The following CTBP2 variants were observed in gnomAD, a reference collection of about 807,000 sequenced individuals.
CTBP2 encodes the protein C-terminal binding protein 2.
A neutral mutation model predicts 80.3 loss-of-function variants in CTBP2; 30 were observed. That is an observed-to-expected ratio of 0.37 (90% CI 0.28 to 0.51). CTBP2 has a LOEUF of 0.51. Ranked by LOEUF, CTBP2 falls within the 20% of genes least tolerant of loss-of-function variation. CTBP2 has a pLI of 0.93. For missense variants in CTBP2, 1,212 were observed against 1,375.3 expected (o/e 0.88, Z 1.88); for synonymous variants, 594 against 587.4 (o/e 1.01, Z -0.16).
At position 125,005,646 on chromosome 10, in the gene CTBP2, A is replaced by C. The variant is rs1955142962; in HGVS notation, c.1679-2154T>G. 9.3e-6 allele frequency: 15 copies of C among 1,612,930 alleles called. No homozygotes were observed. The East Asian group carries it at 3.3e-4, about 36-fold the overall frequency. ...TCCGCAACAGCACCGTCACCTGACG[A>C]GGAACCCGACACACATGGCTCCCAC... On this transcript the variant is annotated intron_variant, in intron 1 of 8. Coordinates refer to ENST00000309035, the MANE Select transcript of CTBP2 (RefSeq NM_022802.3).
chr10:125,003,317 G>T (rs1167805133), intron 2 of CTBP2, 21 bp downstream of exon 4: 1 of 1,604,360 alleles, frequency 6.2e-7, no homozygotes, highest in African/African-American at 1.3e-5. Context: ...TGCAGGCCCC[G>T]GCCGGGCAGG....
At chr10:125,032,595 G>A (rs1958365417), upstream of CTBP2, among the ~76,000 whole-genome samples, 1 of 152,244 alleles carries the variant, frequency 6.6e-6, no homozygotes, top group African/African-American at 2.4e-5. Flanking sequence ...TGTAGAGACA[G>A]GCCAAGGCAT....
intron 2 of CTBP2, among the ~76,000 whole-genome samples, chr10:125,084,999 G>C (rs763777322): frequency 1.3e-5 from 2 of 152,148 alleles, no homozygotes; most frequent in Non-Finnish European, 2.9e-5. Flanking sequence ...CCTCTCCTTA[G>C]CAACAGCTCA....
At chr10:125,129,986 A>G (rs1345337738) in intron 1 of CTBP2, among the ~76,000 whole-genome samples, 1 of 152,038 alleles carries the variant, frequency 6.6e-6, no homozygotes, top group African/African-American at 2.4e-5. Context: ...TGCTGGCTGT[A>G]CAGGGCTTGG....
chr10:125,011,025 T>C lies in CTBP2; in HGVS notation c.1679-7533A>G, dbSNP rs1228121409. ...AAAAGGGTTTATGGCAAAGGTTTCA[T>C]GTGAATTATCCCTCAAGTTCCCCCT... is the stretch of plus-strand genomic sequence containing the variant. On this transcript the variant is annotated intron_variant, in intron 1 of 8. Coordinates refer to ENST00000309035, the MANE Select transcript of CTBP2 (RefSeq NM_022802.3). Among the ~76,000 whole-genome samples the C allele has an allele frequency of 6.2e-4, 94 of 152,224 alleles. 1 individual carries two copies. Among genetic ancestry groups the C allele is most frequent in the Non-Finnish European group, 5.9e-5 (4 of 68,040 alleles).
chr10:125,130,630 T>G (rs1160142539), intron 1 of CTBP2, among the ~76,000 whole-genome samples: 1 of 152,226 alleles, frequency 6.6e-6, no homozygotes, highest in Non-Finnish European at 1.5e-5. Flanking sequence ...AGAAAATACA[T>G]GCAACTTCCC....
In CTBP2 at chr10:124,984,926, C is replaced by G; in HGVS notation, c.*4592G>C. 6.2e-7 allele frequency: 1 copy of G among 1,613,846 alleles called. No individual in the cohort carries two copies. The highest frequency in any genetic ancestry group is 8.5e-7 in the Non-Finnish European group (1 of 1,179,986). On this transcript the variant is annotated 3_prime_UTR_variant, in exon 9 of 9. Transcript: ENST00000309035. ...TGGTAGAAAAATGGCTTGACCGCTACCGACAGATCCGGCCGTGTACATCCC... is the reference window on the plus strand; with the variant it reads ...TGGTAGAAAAATGGCTTGACCGCTAGCGACAGATCCGGCCGTGTACATCCC...
At chr10:125,061,062 C>A (rs150965011) in intron 2 of CTBP2, among the ~76,000 whole-genome samples, 1 of 152,210 alleles carries the variant, frequency 6.6e-6, no homozygotes, top group Non-Finnish European at 1.5e-5. Context: ...AGGATTCCTG[C>A]GGTGGCAAAC....
intron 2 of CTBP2, among the ~76,000 whole-genome samples, chr10:125,095,010 G>T (rs1849341477): frequency 3.3e-5 from 5 of 152,130 alleles, no homozygotes; most frequent in Admixed American, 1.3e-4. Flanking sequence ...GGCAGGGCTG[G>T]GTGGCGCTGT....
At chr10:125,120,456 G>A (rs1303404418) in intron 1 of CTBP2, among the ~76,000 whole-genome samples, 5 of 151,976 alleles carry the variant, frequency 3.3e-5, no homozygotes, top group Non-Finnish European at 5.9e-5. Flanking sequence ...GTGCAATCTC[G>A]GCTTACTGCA....
chr10:125,069,771 A>G (rs964018365), intron 2 of CTBP2, among the ~76,000 whole-genome samples: 5 of 151,944 alleles, frequency 3.3e-5, no homozygotes, highest in Non-Finnish European at 7.4e-5. Flanking sequence ...TCTCCCCTTT[A>G]ATGGAGGTTC....
chr10:125,098,666 G>C (rs1590758679), intron 2 of CTBP2, among the ~76,000 whole-genome samples: 1 of 71,300 alleles, frequency 1.4e-5, no homozygotes, highest in African/African-American at 6.2e-5. Flanking sequence ...GGGAGAGAGA[G>C]AGAGAGAGAG....
At chr10:125,134,809 C>A (rs1298885987) in intron 1 of CTBP2, among the ~76,000 whole-genome samples, 1 of 141,874 alleles carries the variant, frequency 7.0e-6, no homozygotes, top group African/African-American at 2.5e-5. Flanking sequence ...CAGCCTTTCC[C>A]TCCCAGCCTG....
At chr10:125,109,409 C>A (rs527374454) in intron 2 of CTBP2, among the ~76,000 whole-genome samples, 1 of 152,344 alleles carries the variant, frequency 6.6e-6, no homozygotes, top group South Asian at 2.1e-4. Context: ...CTTTGCCAAC[C>A]CCAGGCCCAA....
At chr10:125,111,754 C>A (rs1327864660) in intron 1 of CTBP2, among the ~76,000 whole-genome samples, 2 of 152,214 alleles carry the variant, frequency 1.3e-5, no homozygotes, top group Non-Finnish European at 2.9e-5. Context: ...CATGGTGGGA[C>A]CCACATCATC....
intron 1 of CTBP2, among the ~76,000 whole-genome samples, chr10:125,024,457 A>G (rs72830849): frequency 0.086 from 13,046 of 152,300 alleles, 760 homozygotes; most frequent in Admixed American, 0.17. Flanking sequence ...AACTTATATA[A>G]TACCCCTCAC....
intron 1 of CTBP2, among the ~76,000 whole-genome samples, chr10:125,008,246 C>T (rs151105262): frequency 7.1e-4 from 108 of 152,238 alleles, no homozygotes; most frequent in Non-Finnish European, 7.9e-4. Context: ...CGTGCCTGGC[C>T]GGCTCTGGCC....
At chr10:125,004,108 C>T (rs896968531) in intron 1 of CTBP2, among the ~76,000 whole-genome samples, 11 of 152,200 alleles carry the variant, frequency 7.2e-5, no homozygotes, top group Non-Finnish European at 1.5e-4. Flanking sequence ...GACAGATTTC[C>T]TGGTGCTGCC....
At chr10:125,059,223 T>C (rs948068234) in intron 2 of CTBP2, among the ~76,000 whole-genome samples, 6 of 152,096 alleles carry the variant, frequency 3.9e-5, no homozygotes, top group Admixed American at 1.3e-4. Flanking sequence ...TGTTGGCTTA[T>C]AGAGGAGAAA....
Sources: allele counts gnomAD v4.1 joint callset (sites outside exome capture counted in the v4.1 genomes callset), GRCh38; gene constraint gnomAD v4.1.1; transcripts MANE v1.5; gene names NCBI Gene and HGNC (gene_info 2026-07-23, HGNC 2026-07-21).